DAP3: variants seen among roughly 807,000 people sequenced by gnomAD.
DAP3 encodes the protein death associated protein 3, also known as small ribosomal subunit protein mS29.
In DAP3, 28 loss-of-function variants were observed where a neutral mutation model predicts 51.9. The observed-to-expected ratio is 0.54, with a 90% confidence interval of 0.40 to 0.74. The LOEUF (loss-of-function observed/expected upper bound fraction) is 0.74. Among genes scored for constraint, DAP3 ranks in the 30% least tolerant of loss-of-function variants. The pLI, the probability that DAP3 is intolerant of heterozygous loss-of-function variation, is 0.00. For missense variants in DAP3, 458 were observed against 483.5 expected, an observed-to-expected ratio of 0.95 and a Z score of 0.49; for synonymous variants, 170 against 170.3, an observed-to-expected ratio of 1.00 and a Z score of 0.01.
At chr1:155,717,996 C>T (rs1571510658) in intron 3 of DAP3, among the ~76,000 whole-genome samples, 2 of 152,292 alleles carry the variant, frequency 1.3e-5, no homozygotes. Flanking sequence ...TGCCCCTACC[C>T]TCTGAGTCTT....
intron 1 of DAP3, among the ~76,000 whole-genome samples, chr1:155,708,471 A>T (rs1335745402): frequency 6.6e-6 from 1 of 152,068 alleles, no homozygotes; most frequent in Non-Finnish European, 1.5e-5. Context: ...AGTTGAATAC[A>T]ATGTAATGTT....
chr1:155,705,240 T>C (rs1655804862), intron 1 of DAP3, among the ~76,000 whole-genome samples: 1 of 151,876 alleles, frequency 6.6e-6, no homozygotes, highest in Non-Finnish European at 1.5e-5. Flanking sequence ...GAGCTGTGAT[T>C]GTGCCACTGT....
At chr1:155,688,161 A>G (rs774863632), upstream of DAP3, 1 of 1,613,780 alleles carries the variant, frequency 6.2e-7, no homozygotes, top group Non-Finnish European at 8.5e-7. Flanking sequence ...TCCACCGCGG[A>G]TCCCTCCCGC....
chr1:155,692,133 G>C (rs1653906062), intron 1 of DAP3, among the ~76,000 whole-genome samples: 1 of 141,802 alleles, frequency 7.1e-6, no homozygotes, highest in Admixed American at 6.6e-5. Flanking sequence ...TTAGTTAGCT[G>C]GTGGGAGTGG....
At chr1:155,703,294 CAA>C (rs1354829641) in intron 1 of DAP3, among the ~76,000 whole-genome samples, 1 of 152,100 alleles carries the variant, frequency 6.6e-6, no homozygotes, top group Non-Finnish European at 1.5e-5. Flanking sequence ...TGGCAGAAGG[CAA>C]CAAGGAGCAA....
chr1:155,705,421 G>A (rs936228821), intron 1 of DAP3, among the ~76,000 whole-genome samples: 1 of 151,360 alleles, frequency 6.6e-6, no homozygotes, highest in Non-Finnish European at 1.5e-5. Flanking sequence ...CCATAGCAAG[G>A]GTTATGTCTA....
chr1:155,731,371 T>C lies in DAP3; in HGVS notation c.859T>C (p.Leu287=). 1.2e-6 allele frequency: 2 copies of C among 1,614,050 alleles called. No homozygotes were observed. Among genetic ancestry groups the C allele is most frequent in the Non-Finnish European group, 1.7e-6 (2 of 1,179,994 alleles). Residue 287 remains leucine (L), a synonymous_variant, in exon 10 of 13, where the codon TTA becomes CTA. Coordinates refer to ENST00000368336, the MANE Select transcript of DAP3 (RefSeq NM_004632.4). ...CGATATGCAGATTGCCCCCGAGGAA[T>C]TAGCACTTGTTCACAACTTGAGGAA... ...EDKSPIAPEE[L]ALVHNLRKMM... is the part of the protein sequence containing the mutation.
rs565319954 is a variant in DAP3, at chr1:155,715,421, C to T, written c.46-1585C>T. ...CCTGTAGTCCCAGCTACTTGGGAGC[C>T]TGAGATGGGAGCATGGCTTGGGCCT... On this transcript the variant is annotated intron_variant, in intron 2 of 12. Transcript: ENST00000368336. Among the ~76,000 whole-genome samples the T allele has an allele frequency of 8.6e-5, 13 of 152,000 alleles. No individual in the cohort carries two copies. In the South Asian group the frequency reaches 1.2e-3, roughly 15 times the overall value.
chr1:155,724,640 G>GAA (rs936826529), intron 4 of DAP3, among the ~76,000 whole-genome samples: 4,472 of 91,040 alleles, frequency 0.049, 246 homozygotes, highest in African/African-American at 0.14. Context: ...CTCAAAAAAA[G>GAA]AAAAAAAAAA....
intron 4 of DAP3, 53 bp from the exon 5 acceptor site, chr1:155,725,329 C>G: frequency 3.3e-6 from 5 of 1,513,752 alleles, no homozygotes; most frequent in Non-Finnish European, 4.6e-6. Flanking sequence ...ATACCACCCC[C>G]CACCCACTCC....
chr1:155,729,454 A>G (rs943890535), intron 9 of DAP3, 88 bp downstream of exon 9: 22 of 1,494,404 alleles, frequency 1.5e-5, no homozygotes, highest in Non-Finnish European at 1.8e-5. Flanking sequence ...AGACCATGCA[A>G]TATGTTTTCT....
In DAP3 at chr1:155,731,989, T is replaced by C; in HGVS notation, c.949T>C (p.Phe317Leu). Reference sequence around the variant, plus strand: ...GGCTTTGAGCCAGACTGGGTCTCTCTTTAAGCCCCGGAAAGCCTATCTGCC... The same window carrying C: ...GGCTTTGAGCCAGACTGGGTCTCTCCTTAAGCCCCGGAAAGCCTATCTGCC... ...VSALSQTGSL[F>L]KPRKAYLPQE... The change falls in exon 11 of 13, where the codon TTT becomes CTT. Residue 317 changes from phenylalanine to leucine, a missense_variant. Physicochemically the swap from Phe to Leu is conservative, Grantham distance 22. Coordinates refer to ENST00000368336, the MANE Select transcript of DAP3 (RefSeq NM_004632.4). The C allele has an allele frequency of 2.5e-6, 4 of 1,612,328 alleles. No homozygotes were observed. Among genetic ancestry groups the C allele is most frequent in the Non-Finnish European group, 2.5e-6 (3 of 1,179,220 alleles).
chr1:155,716,580 A>G (rs1288144709), intron 2 of DAP3, among the ~76,000 whole-genome samples: 7 of 151,972 alleles, frequency 4.6e-5, no homozygotes, highest in Admixed American at 6.6e-5. Context: ...CTCAAAAAAA[A>G]AAAGAAAAAT....
intron 11 of DAP3, among the ~76,000 whole-genome samples, chr1:155,735,648 G>A (rs893943281): frequency 2.3e-4 from 35 of 150,950 alleles, no homozygotes; most frequent in African/African-American, 8.2e-4. Flanking sequence ...TCCATCTAGC[G>A]TATTTTTTCC....
intron 4 of DAP3, among the ~76,000 whole-genome samples, chr1:155,722,370 G>A (rs1658107965): frequency 6.6e-6 from 1 of 152,018 alleles, no homozygotes; most frequent in Non-Finnish European, 1.5e-5. Flanking sequence ...TTGCACCACT[G>A]TACCCCAGCC....
intron 4 of DAP3, among the ~76,000 whole-genome samples, chr1:155,722,590 T>A (rs987729779): frequency 6.6e-6 from 1 of 152,002 alleles, no homozygotes; most frequent in African/African-American, 2.4e-5. Flanking sequence ...TCGGGTCCCC[T>A]TCCACACTGT....
At chr1:155,712,797 T>C (rs1205855560) in intron 2 of DAP3, among the ~76,000 whole-genome samples, 1 of 151,702 alleles carries the variant, frequency 6.6e-6, no homozygotes, top group Non-Finnish European at 1.5e-5. Flanking sequence ...GTAACAAAAA[T>C]GTCATCACAT....
intron 3 of DAP3, 121 bp from the exon 4 acceptor site, chr1:155,721,396 G>A: frequency 2.3e-6 from 1 of 444,372 alleles, no homozygotes; most frequent in Admixed American, 3.7e-5. Flanking sequence ...ATATATGTAT[G>A]TATGTATATA....
chr1:155,736,810 A>G (rs1288904889), intron 11 of DAP3, 136 bp from the exon 12 acceptor site: 11 of 768,442 alleles, frequency 1.4e-5, no homozygotes, highest in Admixed American at 1.1e-4. Context: ...GTATCAGGCA[A>G]TGTTGCCAGA....
Sources: gnomAD v4.1 joint callset for allele counts (sites outside exome capture counted in the v4.1 genomes callset) on GRCh38, gnomAD v4.1.1 for gene constraint, MANE v1.5 for transcripts, NCBI Gene and HGNC (gene_info 2026-07-23, HGNC 2026-07-21) for gene names.